NME7: variants seen among roughly 807,000 people sequenced by gnomAD.
The protein encoded by NME7 is nucleoside diphosphate kinase 7.
Under a neutral mutation model 49.1 loss-of-function variants are expected in NME7, and 41 were observed. The observed-to-expected ratio is 0.83, with a 90% CI of 0.65 to 1.08. NME7 has a LOEUF of 1.08. Ranked by LOEUF, NME7 falls within the 50% of genes least tolerant of loss-of-function variation. NME7 has a pLI of 0.00. For missense variants in NME7, 423 were observed against 463.4 expected (o/e 0.91, Z 0.80); for synonymous variants, 139 against 150.6 (o/e 0.92, Z 0.56).
chr1:169,209,916 C>T (rs1178295276), intron 10 of NME7, among the ~76,000 whole-genome samples: 1 of 152,150 alleles, frequency 6.6e-6, no homozygotes, highest in Non-Finnish European at 1.5e-5. Context: ...TCTACTTCAG[C>T]TAAGCTAGAG....
chr1:169,196,643 T>C (rs1660388270), intron 10 of NME7, among the ~76,000 whole-genome samples: 1 of 152,212 alleles, frequency 6.6e-6, no homozygotes, highest in Non-Finnish European at 1.5e-5. Context: ...AGAGATTTAA[T>C]ATTTGCAACT....
intron 7 of NME7, among the ~76,000 whole-genome samples, chr1:169,279,414 T>C (rs35375125): frequency 0.31 from 47,718 of 151,942 alleles, 8,320 homozygotes; most frequent in East Asian, 0.67. Context: ...CCCCCAGCCT[T>C]GCTGCCAACT....
At chr1:169,346,289 A>G (rs10919147) in intron 1 of NME7, among the ~76,000 whole-genome samples, 12,630 of 152,148 alleles carry the variant, frequency 0.083, 712 homozygotes, top group Admixed American at 0.19. Flanking sequence ...ATAGCCCACA[A>G]AGCCCTCCAA....
At chr1:169,329,202 A>G (rs1020021554) in intron 1 of NME7, among the ~76,000 whole-genome samples, 2 of 151,624 alleles carry the variant, frequency 1.3e-5, no homozygotes, top group African/African-American at 4.9e-5. Context: ...ATCTGATCTA[A>G]TTTTTTTCAC....
chr1:169,310,150 A>C (rs1362231159), intron 3 of NME7, 70 bp from the exon 4 acceptor site: 9 of 932,814 alleles, frequency 9.6e-6, no homozygotes, highest in Admixed American at 2.4e-5. Flanking sequence ...ATTCCCAAGC[A>C]GCAGTATTCT....
intron 11 of NME7, among the ~76,000 whole-genome samples, chr1:169,165,991 G>A (rs1225507874): frequency 6.6e-6 from 1 of 152,152 alleles, no homozygotes; most frequent in Non-Finnish European, 1.5e-5. Context: ...AATCTCCAGT[G>A]AAGTTAGATC....
At chr1:169,139,504 C>T (rs534546207) in intron 11 of NME7, among the ~76,000 whole-genome samples, 1 of 152,330 alleles carries the variant, frequency 6.6e-6, no homozygotes, top group Admixed American at 6.5e-5. Flanking sequence ...GCCAGGTAAC[C>T]TTGAGCAAGT....
At chr1:169,294,079 A>G (rs1239441360) in intron 6 of NME7, among the ~76,000 whole-genome samples, 1 of 152,170 alleles carries the variant, frequency 6.6e-6, no homozygotes, top group Non-Finnish European at 1.5e-5. Flanking sequence ...GCACCATGCA[A>G]GTAAAATATT....
chr1:169,241,936 T>A (rs1402635051), intron 7 of NME7, among the ~76,000 whole-genome samples: 1 of 151,844 alleles, frequency 6.6e-6, no homozygotes, highest in South Asian at 2.1e-4. Flanking sequence ...AAATACTTTT[T>A]AAAAAATTTT....
At chr1:169,367,379 G>A (rs4656671) in intron 1 of NME7, among the ~76,000 whole-genome samples, 40,460 of 152,080 alleles carry the variant, frequency 0.27, 6,759 homozygotes, top group Non-Finnish European at 0.38. Flanking sequence ...AATAAAGCGC[G>A]TTAATGTGAA....
At chr1:169,135,418 T>A (rs1448291470) in intron 11 of NME7, among the ~76,000 whole-genome samples, 1 of 152,198 alleles carries the variant, frequency 6.6e-6, no homozygotes, top group African/African-American at 2.4e-5. Flanking sequence ...TCTGTGTATA[T>A]TTGGCTCACA....
intron 10 of NME7, among the ~76,000 whole-genome samples, chr1:169,224,249 C>T (rs921052675): frequency 3.9e-5 from 6 of 152,176 alleles, no homozygotes; most frequent in Admixed American, 3.3e-4. Context: ...TCACCTCACT[C>T]AGGTTCTGAC....
intron 1 of NME7, among the ~76,000 whole-genome samples, chr1:169,329,211 A>C (rs1392270236): frequency 6.6e-6 from 1 of 152,114 alleles, no homozygotes; most frequent in Non-Finnish European, 1.5e-5. Flanking sequence ...AATTTTTTTC[A>C]CTTTACTTTC....
intron 10 of NME7, among the ~76,000 whole-genome samples, chr1:169,181,412 C>T (rs889048310): frequency 6.6e-6 from 1 of 151,626 alleles, no homozygotes; most frequent in Non-Finnish European, 1.5e-5. Flanking sequence ...TATATACACA[C>T]ACATTATCCT....
chr1:169,194,591 T>G (rs1199136163), intron 10 of NME7, among the ~76,000 whole-genome samples: 4 of 152,212 alleles, frequency 2.6e-5, no homozygotes, highest in Non-Finnish European at 4.4e-5. Context: ...TTTGTGACTA[T>G]AAAACCAACT....
intron 10 of NME7, among the ~76,000 whole-genome samples, chr1:169,209,921 C>T (rs1455321038): frequency 6.6e-6 from 1 of 152,128 alleles, no homozygotes; most frequent in East Asian, 1.9e-4. Context: ...TTCAGCTAAG[C>T]TAGAGCCTCC....
At chr1:169,229,034 T>C (rs1360167540) in intron 10 of NME7, among the ~76,000 whole-genome samples, 1 of 152,238 alleles carries the variant, frequency 6.6e-6, no homozygotes, top group Non-Finnish European at 1.5e-5. Context: ...GACTTTAATC[T>C]CTTCCAATTT....
Position 169,266,939 on chromosome 1 carries a change from G to A in NME7, c.754+20364C>T, listed in dbSNP as rs189025938. On this transcript the variant is annotated intron_variant, in intron 7 of 11. Coordinates refer to ENST00000367811, the MANE Select transcript of NME7 (RefSeq NM_013330.5). The stretch of plus-strand genomic sequence containing the variant: ...AAAAATTAGCTGAGCATGGTGGTGC[G>A]TGCCTGTAATCCCAGCTACTTGGGA... Among the ~76,000 whole-genome samples, 326 of 132,036 alleles carry A rather than the reference G, an allele frequency of 2.5e-3. 74 individuals are homozygous for A. Among genetic ancestry groups the A allele is most frequent in the Admixed American group, 6.8e-3 (91 of 13,316 alleles). 86.6% of individuals were successfully genotyped at this position (132,036 alleles called of 152,430 possible).
intron 6 of NME7, among the ~76,000 whole-genome samples, chr1:169,295,722 T>C (rs1329064648): frequency 2.6e-5 from 4 of 152,196 alleles, no homozygotes; most frequent in Non-Finnish European, 5.9e-5. Flanking sequence ...TTCATGGCCA[T>C]GAACACTACA....
Sources: gnomAD v4.1 joint callset for allele counts (sites outside exome capture counted in the v4.1 genomes callset) on GRCh38, gnomAD v4.1.1 for gene constraint, MANE v1.5 for transcripts, NCBI Gene and HGNC (gene_info 2026-07-23, HGNC 2026-07-21) for gene names.